The following COL4A2 variants were observed in gnomAD, a reference collection of about 807,000 sequenced individuals.
COL4A2 encodes the protein collagen type IV alpha 2 chain, also known as collagen alpha-2(IV) chain.
COL4A2 carries 99 observed loss-of-function variants against 200.2 expected under a neutral mutation model. The ratio of observed to expected loss-of-function variants is 0.49; its 90% CI spans 0.42 to 0.58. The LOEUF is 0.58. COL4A2 is among the 20% of genes least tolerant of loss of function. The pLI, the probability that COL4A2 is intolerant of heterozygous loss-of-function variation, is 0.00. For missense variants in COL4A2, 1,950 were observed against 2,314.1 expected (o/e 0.84, Z 3.23); for synonymous variants, 897 against 900.6 (o/e 1.00, Z 0.07).
chr13:110,435,188 TAGA>T (rs1281655309), intron 12 of COL4A2, among the ~76,000 whole-genome samples: 4 of 152,034 alleles, frequency 2.6e-5, no homozygotes, highest in African/African-American at 7.3e-5. Flanking sequence ...ATTAATGCCA[TAGA>T]AGAAGTCAAA....
chr13:110,511,721 C>T (rs1475062345), intron 47 of COL4A2, among the ~76,000 whole-genome samples: 5 of 151,716 alleles, frequency 3.3e-5, no homozygotes, highest in African/African-American at 1.2e-4. Flanking sequence ...GCAGCACGTC[C>T]TGGTGCCTGG....
At chr13:110,348,562 G>T (rs2139378573) in intron 3 of COL4A2, among the ~76,000 whole-genome samples, 1 of 152,250 alleles carries the variant, frequency 6.6e-6, no homozygotes, top group South Asian at 2.1e-4. Context: ...TTCCCGAGTT[G>T]GCTTTCTTCT....
chr13:110,334,688 A>G (rs1876092985), intron 3 of COL4A2, among the ~76,000 whole-genome samples: 1 of 152,240 alleles, frequency 6.6e-6, no homozygotes, highest in African/African-American at 2.4e-5. Context: ...ACAGGTCAAG[A>G]AAATTCCATT....
chr13:110,425,443 G>A (rs1880436302), intron 6 of COL4A2, among the ~76,000 whole-genome samples: 1 of 152,158 alleles, frequency 6.6e-6, no homozygotes, highest in Admixed American at 6.5e-5. Context: ...GGCATGGTTT[G>A]TTCATGAGAA....
At chr13:110,436,002 C>A in intron 12 of COL4A2, 1 of 537,022 alleles carries the variant, frequency 1.9e-6, no homozygotes, top group Non-Finnish European at 3.4e-6. Context: ...AGGAAACAAC[C>A]CCACAGAAAC....
At chr13:110,367,424 AG>A (rs1877803377) in intron 4 of COL4A2, among the ~76,000 whole-genome samples, 1 of 152,244 alleles carries the variant, frequency 6.6e-6, no homozygotes, top group African/African-American at 2.4e-5. Context: ...AAGAAACCGA[AG>A]GTTGGATGAA....
chr13:110,495,249 C>A, intron 39 of COL4A2, 93 bp from the exon 40 acceptor site: 1 of 1,489,232 alleles, frequency 6.7e-7, no homozygotes, highest in Non-Finnish European at 9.3e-7. Context: ...TGTTTCTTTG[C>A]TTTTGAGGCA....
intron 3 of COL4A2, among the ~76,000 whole-genome samples, chr13:110,335,798 C>G (rs949697600): frequency 6.6e-6 from 1 of 152,186 alleles, no homozygotes; most frequent in African/African-American, 2.4e-5. Flanking sequence ...TGCCTTTCTT[C>G]TATGGAGTTT....
intron 7 of COL4A2, 118 bp from the exon 8 acceptor site, chr13:110,429,767 A>T: frequency 1.1e-6 from 1 of 935,682 alleles, no homozygotes. Flanking sequence ...CAGCCATAAG[A>T]ACAATTAGAC....
intron 4 of COL4A2, among the ~76,000 whole-genome samples, chr13:110,419,528 C>T (rs1021163428): frequency 1.3e-5 from 2 of 152,192 alleles, no homozygotes; most frequent in Non-Finnish European, 2.9e-5. Context: ...GGCTACACTG[C>T]GTGTGCCCGT....
intron 34 of COL4A2, among the ~76,000 whole-genome samples, chr13:110,488,277 G>A (rs1189116873): frequency 1.6e-4 from 25 of 152,242 alleles, no homozygotes; most frequent in African/African-American, 5.5e-4. Context: ...CACCCACCTC[G>A]GCCTCCCAAA....
chr13:110,458,574 T>C (rs1881872230), intron 21 of COL4A2, among the ~76,000 whole-genome samples, 197 bp from the exon 22 acceptor site: 2 of 152,210 alleles, frequency 1.3e-5, no homozygotes, highest in African/African-American at 4.8e-5. Flanking sequence ...CATGAGACTA[T>C]GAGTGAACAC....
At chr13:110,491,956 C>A in intron 37 of COL4A2, 114 bp from the exon 38 acceptor site, 2 of 806,908 alleles carry the variant, frequency 2.5e-6, no homozygotes, top group Non-Finnish European at 3.8e-6. Flanking sequence ...ACTGGCACTG[C>A]GGCCCTTCCG....
chr13:110,355,346 CTG>C (rs201236006), intron 3 of COL4A2, among the ~76,000 whole-genome samples: 1,249 of 106,666 alleles, frequency 0.012, 332 homozygotes, highest in African/African-American at 0.11. Flanking sequence ...ACTAGCTCAC[CTG>C]TGTGTGTGGG....
chr13:110,319,118 G>A (rs1394734789), intron 3 of COL4A2, among the ~76,000 whole-genome samples: 2 of 151,976 alleles, frequency 1.3e-5, no homozygotes, highest in African/African-American at 4.8e-5. Flanking sequence ...GGGTGCGGGG[G>A]CCTGTGGGGG....
intron 4 of COL4A2, among the ~76,000 whole-genome samples, chr13:110,365,981 T>C (rs1163903386): frequency 6.6e-6 from 1 of 152,200 alleles, no homozygotes; most frequent in Non-Finnish European, 1.5e-5. Context: ...CACAGAACTG[T>C]TGATAAACTA....
intron 45 of COL4A2, among the ~76,000 whole-genome samples, chr13:110,505,282 G>A (rs905372716): frequency 9.9e-5 from 15 of 152,152 alleles, no homozygotes; most frequent in Non-Finnish European, 2.1e-4. Context: ...CCCAGGAGGT[G>A]GAGGTTGCAA....
rs1880402326 is a variant in COL4A2, at chr13:110,424,764, T to C, written c.211T>C (p.Tyr71His). 1.2e-6 allele frequency: 2 copies of C among 1,611,030 alleles called. No individual in the cohort carries two copies. The highest frequency in any genetic ancestry group is 1.7e-6 in the Non-Finnish European group (2 of 1,177,504). Reference sequence around the variant, plus strand: ...GCCTGGGCCAGTGGGCCCCCAGGGGTACAATGGGCCACCAGGATTACAAGG... The same window carrying C: ...GCCTGGGCCAGTGGGCCCCCAGGGGCACAATGGGCCACCAGGATTACAAGG... The part of the protein sequence containing the change: ...GQPGPVGPQG[Y>H]NGPPGLQGFP... The change falls in exon 5 of 48, where the codon TAC becomes CAC. Residue 71 changes from tyrosine (Y) to histidine (H), a missense_variant. Tyr to His is a moderately conservative substitution (Grantham distance 83, BLOSUM62 2). This residue lies in a region of COL4A2 where 565 missense variants were observed against 593.5 expected (regional missense o/e 0.95). Coordinates refer to ENST00000360467, the MANE Select transcript of COL4A2 (RefSeq NM_001846.4).
chr13:110,490,586 G>A (rs1353306212), intron 36 of COL4A2, among the ~76,000 whole-genome samples: 3 of 152,174 alleles, frequency 2.0e-5, no homozygotes, highest in East Asian at 1.9e-4. Flanking sequence ...CAGCCCTCCC[G>A]GGCTCCTTTG....
Sources: gnomAD v4.1 joint callset for allele counts (sites outside exome capture counted in the v4.1 genomes callset) on GRCh38, gnomAD v4.1.1 for gene constraint, gnomAD v4.1.1 regional missense constraint, MANE v1.5 for transcripts, NCBI Gene and HGNC (gene_info 2026-07-23, HGNC 2026-07-21) for gene names.